The following PBRM1 variants were observed in gnomAD, a reference collection of about 807,000 sequenced individuals.
PBRM1 encodes polybromo 1.
PBRM1 carries 27 observed loss-of-function variants against 194.5 expected under a neutral mutation model. That is an observed-to-expected ratio of 0.14 (90% CI 0.10 to 0.19). PBRM1 has a LOEUF of 0.19. Among genes scored for constraint, PBRM1 ranks in the 10% least tolerant of loss-of-function variants. The probability of loss-of-function intolerance (pLI) is 1.00; values close to 1 mark genes in which losing one functional copy is unlikely to be tolerated. For missense variants in PBRM1, 1,466 were observed against 2,077.2 expected (o/e 0.71, Z 5.72); for synonymous variants, 655 against 693.2 (o/e 0.94, Z 0.87).
At chr3:52,633,294 G>C (rs192615617) in intron 11 of PBRM1, among the ~76,000 whole-genome samples, 75 of 151,920 alleles carry the variant, frequency 4.9e-4, no homozygotes, top group Middle Eastern at 6.8e-3. Flanking sequence ...TTTGTGACTG[G>C]GTTATTTCAC....
intron 2 of PBRM1, among the ~76,000 whole-genome samples, chr3:52,677,996 G>A (rs539964364): frequency 6.6e-6 from 1 of 152,030 alleles, no homozygotes; most frequent in South Asian, 2.1e-4. Context: ...AGCCTCCCTA[G>A]TAGCTGGGTC....
intron 11 of PBRM1, among the ~76,000 whole-genome samples, chr3:52,632,929 A>C (rs1371862466): frequency 6.6e-6 from 1 of 152,110 alleles, no homozygotes; most frequent in African/African-American, 2.4e-5. Flanking sequence ...CCTGACCTCA[A>C]GTGATTTGCC....
intron 24 of PBRM1, 118 bp downstream of exon 26, chr3:52,563,165 C>A: frequency 1.6e-6 from 1 of 614,914 alleles, no homozygotes; most frequent in South Asian, 2.9e-5. Flanking sequence ...TTCCTTCCTG[C>A]AGAATTCTAA....
chr3:52,666,579 A>G (rs948526812), intron 3 of PBRM1, among the ~76,000 whole-genome samples: 1 of 151,310 alleles, frequency 6.6e-6, no homozygotes, highest in Non-Finnish European at 1.5e-5. Context: ...TAATTAACCT[A>G]CTTTCTAACC....
chr3:52,611,641 A>G (rs886257724), intron 15 of PBRM1, among the ~76,000 whole-genome samples: 1 of 152,028 alleles, frequency 6.6e-6, no homozygotes, highest in Admixed American at 6.6e-5. Flanking sequence ...TGTCTCTACT[A>G]AAAATACAAA....
At chr3:52,672,873 C>A (rs770403326) in intron 2 of PBRM1, among the ~76,000 whole-genome samples, 5 of 152,018 alleles carry the variant, frequency 3.3e-5, no homozygotes, top group Non-Finnish European at 7.4e-5. Flanking sequence ...GGGAACATAC[C>A]TTCCATAGGA....
At chr3:52,679,696 T>C in exon 1 of PBRM1, 1 of 1,613,934 alleles carries the variant, frequency 6.2e-7, no homozygotes. Context: ...GTAGCTCTTC[T>C]TCTCTTGGAA....
intron 20 of PBRM1, among the ~76,000 whole-genome samples, chr3:52,581,612 C>T (rs370924671): frequency 6.6e-6 from 1 of 151,162 alleles, no homozygotes; most frequent in African/African-American, 2.4e-5. Context: ...ATACCTTTTC[C>T]TTTAAGGAAT....
At chr3:52,681,846 A>G (rs1210714815), upstream of PBRM1, 9 of 298,940 alleles carry the variant, frequency 3.0e-5, no homozygotes, top group Non-Finnish European at 4.6e-5. Flanking sequence ...AAGGCAGAGA[A>G]GGGGGAAATA....
intron 11 of PBRM1, among the ~76,000 whole-genome samples, chr3:52,633,518 G>GGTA (rs1386117122): frequency 6.6e-6 from 1 of 151,892 alleles, no homozygotes; most frequent in Admixed American, 6.6e-5. Flanking sequence ...ATTTCTTTGG[G>GGTA]GTACATATGC....
intron 2 of PBRM1, among the ~76,000 whole-genome samples, chr3:52,669,589 T>G (rs899500356): frequency 1.3e-5 from 2 of 152,176 alleles, no homozygotes; most frequent in Admixed American, 6.6e-5. Flanking sequence ...GTGTAAGAGA[T>G]AAGTTATTAC....
intron 4 of PBRM1, among the ~76,000 whole-genome samples, chr3:52,658,866 CT>C (rs1391689580): frequency 6.6e-6 from 1 of 152,088 alleles, no homozygotes; most frequent in Non-Finnish European, 1.5e-5. Flanking sequence ...TCTACTGAAC[CT>C]TTTTCTACAG....
At chr3:52,634,550 G>T in intron 11 of PBRM1, 52 bp downstream of exon 12, 2 of 1,182,196 alleles carry the variant, frequency 1.7e-6, no homozygotes, top group Non-Finnish European at 1.3e-6. Flanking sequence ...TTATGTGCAG[G>T]CTCAGCCACA....
At chr3:52,651,839 A>T in intron 5 of PBRM1, 29 bp from the exon 7 acceptor site, 4 of 1,452,178 alleles carry the variant, frequency 2.8e-6, no homozygotes, top group Non-Finnish European at 2.9e-6. Flanking sequence ...GGCATGCTCA[A>T]TAAGTTAAAC....
chr3:52,547,457 G>C, downstream of PBRM1: 1 of 233,562 alleles, frequency 4.3e-6, no homozygotes, highest in African/African-American at 2.2e-5. Context: ...AATGTGCTGT[G>C]TCTATTAAAC....
intron 7 of PBRM1, among the ~76,000 whole-genome samples, chr3:52,646,775 T>G (rs1024755543): frequency 3.9e-5 from 6 of 152,174 alleles, no homozygotes; most frequent in African/African-American, 1.4e-4. Flanking sequence ...GGATCAAAGA[T>G]CTAAGTACGT....
chr3:52,576,156 C>G (rs1560001219), intron 22 of PBRM1, among the ~76,000 whole-genome samples: 1 of 151,858 alleles, frequency 6.6e-6, no homozygotes, highest in East Asian at 1.9e-4. Flanking sequence ...GAGAAAGGAG[C>G]AGAAAGAATA....
At chr3:52,630,125 C>A (rs758255966) in intron 11 of PBRM1, among the ~76,000 whole-genome samples, 15 of 152,042 alleles carry the variant, frequency 9.9e-5, no homozygotes, top group Non-Finnish European at 1.8e-4. Flanking sequence ...CTCAAACAGA[C>A]AGAAAACCCA....
intron 22 of PBRM1, among the ~76,000 whole-genome samples, chr3:52,568,346 T>C (rs1405570215): frequency 6.6e-6 from 1 of 152,244 alleles, no homozygotes; most frequent in Non-Finnish European, 1.5e-5. Flanking sequence ...GATCTTTATC[T>C]AATTGCTTTA....
Sources: allele counts gnomAD v4.1 joint callset (sites outside exome capture counted in the v4.1 genomes callset), GRCh38; gene constraint gnomAD v4.1.1; transcripts MANE v1.5; gene names NCBI Gene and HGNC (gene_info 2026-07-23, HGNC 2026-07-21).